The following A2M variants were observed in gnomAD, a reference collection of about 807,000 sequenced individuals.
A2M encodes alpha-2-macroglobulin.
A2M carries 128 observed loss-of-function variants against 183.9 expected under a neutral mutation model. That is an observed-to-expected ratio of 0.70 (90% confidence interval 0.60 to 0.81). The LOEUF (loss-of-function observed/expected upper bound fraction) is 0.81. A2M is among the 30% of genes least tolerant of loss of function. The probability of loss-of-function intolerance (pLI) is 0.00; values close to 1 mark genes in which losing one functional copy is unlikely to be tolerated. For missense variants in A2M, 1,495 were observed against 1,787.6 expected, an observed-to-expected ratio of 0.84 and a Z score of 2.95; for synonymous variants, 592 against 670.8, an observed-to-expected ratio of 0.88 and a Z score of 1.81.
Position 9,115,871 on chromosome 12 carries a change from A to C in A2M, c.-22T>G. On this transcript the variant is annotated 5_prime_UTR_variant, in exon 1 of 36. Coordinates refer to ENST00000318602, the MANE Select transcript of A2M (RefSeq NM_000014.6). ...CCATGTTGCAGAAAGAAGGAGCTGG[A>C]GGAGAACAGACTGTATTGTACCCTA... 1 of 1,594,116 alleles carries C rather than the reference A, an allele frequency of 6.3e-7. No individual in the cohort carries two copies. Among genetic ancestry groups the C allele is most frequent in the Non-Finnish European group, 8.6e-7 (1 of 1,162,170 alleles).
intron 13 of A2M, among the ~76,000 whole-genome samples, chr12:9,100,511 T>C (rs185005154): frequency 2.0e-5 from 3 of 152,194 alleles, no homozygotes; most frequent in African/African-American, 7.2e-5. Context: ...ACTCCTGACC[T>C]CAAGAGATCC....
rs908851634 is a variant in A2M at position 9,103,134 on chromosome 12, G to C, written c.1266+1105C>G. 4.6e-5 allele frequency among the ~76,000 whole-genome samples: 7 copies of C among 152,104 alleles called. No individual in the cohort carries two copies. The East Asian group carries it at 1.3e-3, about 29-fold the overall frequency. On this transcript the variant is annotated intron_variant, in intron 11 of 35. Coordinates refer to ENST00000318602, the MANE Select transcript of A2M (RefSeq NM_000014.6). The stretch of plus-strand genomic sequence containing the variant: ...ATAAAGTAAGGTAATAATTTTTGGA[G>C]TATATATATTTAAAACTAAATGCTA...
chr12:9,089,859 A>G (rs1288309611), intron 21 of A2M, 43 bp downstream of exon 21: 2 of 1,293,458 alleles, frequency 1.5e-6, no homozygotes, highest in Non-Finnish European at 2.1e-6. Context: ...ACCCACATAT[A>G]TTATATATTA....
At chr12:9,095,290 T>C (rs1354979568) in intron 16 of A2M, among the ~76,000 whole-genome samples, 1 of 152,238 alleles carries the variant, frequency 6.6e-6, no homozygotes, top group Non-Finnish European at 1.5e-5. Flanking sequence ...ATTTTGTATA[T>C]GTGATTTTAA....
chr12:9,115,614 T>C, intron 1 of A2M, 150 bp downstream of exon 1: 1 of 629,370 alleles, frequency 1.6e-6, no homozygotes, highest in Non-Finnish European at 2.8e-6. Context: ...AAGCAAGTAA[T>C]GAGTAAACTA....
At chr12:9,080,752 TG>T (rs1271202039) in intron 22 of A2M, among the ~76,000 whole-genome samples, 1 of 152,158 alleles carries the variant, frequency 6.6e-6, no homozygotes, top group Non-Finnish European at 1.5e-5. Context: ...TTACTACTCA[TG>T]AACATACATT....
At chr12:9,105,704 C>T (rs2137920208) in intron 10 of A2M, among the ~76,000 whole-genome samples, 1 of 151,996 alleles carries the variant, frequency 6.6e-6, no homozygotes, top group Admixed American at 6.5e-5. Flanking sequence ...AGTGTTTTAC[C>T]CCATGTTCAC....
Position 9,112,198 on chromosome 12 carries a change from A to T in A2M, c.444T>A (p.Val148=). Residue 148 remains valine (V), a synonymous_variant, in exon 4 of 36, where the codon GTT becomes GTA. Coordinates refer to ENST00000318602, the MANE Select transcript of A2M (RefSeq NM_000014.6). ...YKPGQTVKFR[V]VSMDENFHPL... is the part of the protein sequence containing the mutation. Reference sequence around the variant, plus strand: ...GGTGAAAGTTTTCATCCATGGAGACAACACGAAATTTCACTGAAACAGAAA... The same window carrying T: ...GGTGAAAGTTTTCATCCATGGAGACTACACGAAATTTCACTGAAACAGAAA... 2 of 1,613,890 alleles carry T rather than the reference A, an allele frequency of 1.2e-6. No individual in the cohort carries two copies. Among genetic ancestry groups the T allele is most frequent in the Non-Finnish European group, 1.7e-6 (2 of 1,179,772 alleles).
chr12:9,079,134 C>G, intron 25 of A2M, 110 bp downstream of exon 25: 2 of 794,324 alleles, frequency 2.5e-6, no homozygotes, highest in East Asian at 5.3e-5. Context: ...TATAACAAAC[C>G]ATCGGTCTGA....
chr12:9,104,181 G>C (rs774606401), intron 11 of A2M, 58 bp downstream of exon 11: 2 of 1,551,900 alleles, frequency 1.3e-6, no homozygotes, highest in Non-Finnish European at 1.7e-6. Context: ...TCACCCTTAG[G>C]TTGCAACCTT....
intron 17 of A2M, 55 bp from the exon 18 acceptor site, chr12:9,093,634 G>C: frequency 6.1e-6 from 6 of 982,078 alleles, no homozygotes; most frequent in Non-Finnish European, 8.6e-6. Context: ...AAGCTTATGA[G>C]AGAATGTAAT....
rs1201975654 is a variant in A2M at position 9,112,516 on chromosome 12, A to G, written c.291T>C (p.Asn97=). 1 of 1,613,664 alleles carries G rather than the reference A, an allele frequency of 6.2e-7. No individual in the cohort carries two copies. The highest frequency in any genetic ancestry group is 8.5e-7 in the Non-Finnish European group (1 of 1,179,752). Reference sequence around the variant, plus strand: ...GGACAGTGAGGAACATTACCTCCTCATTGGATGAAGACTTTGGGACCTGAA... The same window carrying G: ...GGACAGTGAGGAACATTACCTCCTCGTTGGATGAAGACTTTGGGACCTGAA... ...VAFAVPKSSS[N]EEVMFLTVQV... The change falls in exon 3 of 36, where the codon AAT becomes AAC. Residue 97 remains asparagine (N), a synonymous_variant. Transcript: ENST00000318602.
chr12:9,080,125 T>C lies in A2M; in HGVS notation c.2823A>G (p.Glu941=), dbSNP rs1948866716. ...LSLKLPPNVV[E]ESARASVSVL... ...CTGAGACAGAAGCTCGGGCAGATTC[T>C]TCTACCACATTTGGTGGCAGTTTCA... Residue 941 remains glutamate, a synonymous_variant, in exon 23 of 36, where the codon GAA becomes GAG. Transcript: ENST00000318602. 4 of 1,590,376 alleles carry C rather than the reference T, an allele frequency of 2.5e-6. No homozygotes were observed. The East Asian group carries it at 9.1e-5, about 36-fold the overall frequency.
intron 22 of A2M, among the ~76,000 whole-genome samples, chr12:9,081,959 T>A (rs192296353): frequency 3.3e-4 from 50 of 152,334 alleles, no homozygotes; most frequent in East Asian, 1.9e-3. Context: ...GCTGGTCACT[T>A]TCAGAAGCAT....
intron 22 of A2M, 145 bp from the exon 23 acceptor site, chr12:9,080,322 T>C (rs1182808971): frequency 4.7e-6 from 2 of 427,600 alleles, no homozygotes; most frequent in Non-Finnish European, 8.4e-6. Flanking sequence ...CAGTAATATA[T>C]AAATATCTTA....
Position 9,072,638 on chromosome 12 carries a change from GC to G in A2M, c.3975+14del. ...GTCCTCATCTGTCCTGTCCTCACCTGCCCAAGAGTCTCACCTGGAGGTAGAC... is the reference window on the plus strand; with the variant it reads ...GTCCTCATCTGTCCTGTCCTCACCTGCCAAGAGTCTCACCTGGAGGTAGAC... On this transcript the variant is annotated intron_variant, in intron 30 of 35. Transcript: ENST00000318602. 5.0e-6 allele frequency: 8 copies of G among 1,612,964 alleles called. No homozygotes were observed. The highest frequency in any genetic ancestry group is 6.8e-6 in the Non-Finnish European group (8 of 1,179,002).
In A2M at chr12:9,072,668, T is replaced by G; in HGVS notation, c.3960A>C (p.Gly1320=). 1 of 1,614,182 alleles carries G rather than the reference T, an allele frequency of 6.2e-7. No individual in the cohort carries two copies. The highest frequency in any genetic ancestry group is 1.7e-5 in the Admixed American group (1 of 60,020). ...GEYSMKVTGE[G]CVYLQTSLKY... is the part of the protein sequence containing the mutation. ...AGAGTCTCACCTGGAGGTAGACACA[T>G]CCTTCTCCTGTCACTTTCATGCTGT... The change falls in exon 30 of 36, where the codon GGA becomes GGC. Residue 1320 remains glycine (G), a synonymous_variant. Coordinates refer to ENST00000318602, the MANE Select transcript of A2M (RefSeq NM_000014.6).
In A2M at chr12:9,067,853, A is replaced by G; in HGVS notation, c.4409-14T>C. 1 of 1,611,256 alleles carries G rather than the reference A, an allele frequency of 6.2e-7. No homozygotes were observed. Among genetic ancestry groups the G allele is most frequent in the Non-Finnish European group, 8.5e-7 (1 of 1,178,716 alleles). On this transcript the variant is annotated splice_polypyrimidine_tract_variant and intron_variant, in intron 35 of 35. Transcript: ENST00000318602. ...CATTTCCAAGATCTGTGACATTGGA[A>G]AGAAAAAAAATTAAGACAGATTTGG...
intron 15 of A2M, 41 bp downstream of exon 15, chr12:9,098,565 TG>T (rs1328180893): frequency 1.3e-6 from 2 of 1,561,578 alleles, no homozygotes; most frequent in Non-Finnish European, 8.7e-7. Flanking sequence ...TCTGAGCCCC[TG>T]GCACGGCCCT....
Sources: gnomAD v4.1 joint callset for allele counts (sites outside exome capture counted in the v4.1 genomes callset) on GRCh38, gnomAD v4.1.1 for gene constraint, MANE v1.5 for transcripts, NCBI Gene and HGNC (gene_info 2026-07-23, HGNC 2026-07-21) for gene names.